The following PHLDB2 variants were observed in gnomAD, a reference collection of about 807,000 sequenced individuals.
The protein encoded by PHLDB2 is pleckstrin homology-like domain family B member 2.
Under a neutral mutation model 123.6 loss-of-function variants are expected in PHLDB2, and 71 were observed. That is an observed-to-expected ratio of 0.57 (90% confidence interval 0.47 to 0.70). The LOEUF is 0.70. Among genes scored for constraint, PHLDB2 ranks in the 30% least tolerant of loss-of-function variants. The probability of loss-of-function intolerance (pLI) is 0.00; values close to 1 mark genes in which losing one functional copy is unlikely to be tolerated. For synonymous variants in PHLDB2, 547 were observed against 541.6 expected, an observed-to-expected ratio of 1.01 and a Z score of -0.14; for missense variants, 1,446 against 1,519.5, an observed-to-expected ratio of 0.95 and a Z score of 0.80.
At chr3:111,820,306 G>A (rs1331289955) in intron 1 of PHLDB2, among the ~76,000 whole-genome samples, 1 of 152,128 alleles carries the variant, frequency 6.6e-6, no homozygotes, top group Non-Finnish European at 1.5e-5. Context: ...AGTTAAAATG[G>A]TTAAAGAAAT....
At chr3:111,758,424 T>A (rs931437987) in intron 1 of PHLDB2, among the ~76,000 whole-genome samples, 1 of 152,150 alleles carries the variant, frequency 6.6e-6, no homozygotes, top group Admixed American at 6.5e-5. Flanking sequence ...CGGGATATAA[T>A]CTCCTGGTGC....
chr3:111,972,207 G>A (rs1251326881), intron 16 of PHLDB2, among the ~76,000 whole-genome samples: 1 of 152,124 alleles, frequency 6.6e-6, no homozygotes, highest in Non-Finnish European at 1.5e-5. Flanking sequence ...ATCATTTCCA[G>A]CAAATGTTTG....
intron 6 of PHLDB2, among the ~76,000 whole-genome samples, chr3:111,937,975 G>C (rs1163741108): frequency 6.6e-6 from 1 of 152,064 alleles, no homozygotes; most frequent in African/African-American, 2.4e-5. Context: ...GTACCTCATA[G>C]GTTAGAGAAT....
At chr3:111,947,898 T>TCCAA (rs2070422751) in intron 9 of PHLDB2, among the ~76,000 whole-genome samples, 2 of 152,190 alleles carry the variant, frequency 1.3e-5, no homozygotes, top group African/African-American at 4.8e-5. Flanking sequence ...TGTAAAAGGA[T>TCCAA]TGATGGAGGC....
chr3:111,921,459 G>A (rs1193548751), intron 5 of PHLDB2, among the ~76,000 whole-genome samples: 1 of 152,018 alleles, frequency 6.6e-6, no homozygotes, highest in Non-Finnish European at 1.5e-5. Flanking sequence ...ATTTGATCTT[G>A]GTGCCAGAGA....
chr3:111,854,157 CCAGA>C (rs962737573), intron 2 of PHLDB2, among the ~76,000 whole-genome samples: 2 of 152,126 alleles, frequency 1.3e-5, no homozygotes, highest in African/African-American at 4.8e-5. Flanking sequence ...AGGGGAAATG[CCAGA>C]CACTTACAAA....
chr3:111,848,779 C>A (rs79619962), intron 2 of PHLDB2, among the ~76,000 whole-genome samples: 6,855 of 152,286 alleles, frequency 0.045, 270 homozygotes, highest in African/African-American at 0.096. Context: ...CAACACCTTA[C>A]CTTTTCTGTG....
At chr3:111,799,215 T>C (rs994218452) in intron 1 of PHLDB2, among the ~76,000 whole-genome samples, 8 of 151,982 alleles carry the variant, frequency 5.3e-5, no homozygotes, top group African/African-American at 1.9e-4. Context: ...CAAGATGAGA[T>C]TTGGGTGGGG....
intron 5 of PHLDB2, 107 bp from the exon 6 acceptor site, chr3:111,932,162 C>T: frequency 8.1e-7 from 1 of 1,228,852 alleles, no homozygotes. Flanking sequence ...ATAGATTGTC[C>T]AGAGTTTGTG....
intron 2 of PHLDB2, among the ~76,000 whole-genome samples, chr3:111,907,971 A>AT (rs1489936180): frequency 2.0e-5 from 3 of 152,050 alleles, no homozygotes; most frequent in Non-Finnish European, 4.4e-5. Context: ...TAATTTTTGC[A>AT]TTTTTTGTAG....
At chr3:111,966,218 G>T (rs1032045670) in intron 13 of PHLDB2, among the ~76,000 whole-genome samples, 1 of 152,122 alleles carries the variant, frequency 6.6e-6, no homozygotes, top group Non-Finnish European at 1.5e-5. Flanking sequence ...ATATCTTTAA[G>T]TCATTAAACT....
At chr3:111,781,137 G>C (rs1169109645) in intron 1 of PHLDB2, among the ~76,000 whole-genome samples, 3 of 151,732 alleles carry the variant, frequency 2.0e-5, no homozygotes, top group Non-Finnish European at 2.9e-5. Flanking sequence ...CCTCATTATG[G>C]GCCAGTCATG....
intron 1 of PHLDB2, among the ~76,000 whole-genome samples, chr3:111,818,970 A>G (rs2062231511): frequency 2.0e-5 from 3 of 152,200 alleles, no homozygotes; most frequent in African/African-American, 7.2e-5. Context: ...TGGGTGGCTT[A>G]AACAACAGAA....
Position 111,884,466 on chromosome 3 carries a change from A to T in PHLDB2, c.389A>T (p.His130Leu), listed in dbSNP as rs187915090. The change falls in exon 2 of 18, where the codon CAT becomes CTT. Residue 130 changes from histidine to leucine, a missense_variant. His to Leu is a moderately conservative substitution (Grantham distance 99). Coordinates refer to ENST00000431670, the MANE Select transcript of PHLDB2 (RefSeq NM_001134438.2). ...CCACTTGGAAGAGCAGACTTTGATC[A>T]TTATACTGGCCGGGACAGTGAAAGG... is the stretch of plus-strand genomic sequence containing the variant. ...GYPLGRADFDHYTGRDSERAL... is the reference protein window; with the variant it reads ...GYPLGRADFDLYTGRDSERAL... 20 of 1,614,178 alleles carry T rather than the reference A, an allele frequency of 1.2e-5. No individual in the cohort carries two copies. The Admixed American group carries it at 3.0e-4, about 24-fold the overall frequency.
chr3:111,827,519 C>CA (rs1310873250), intron 1 of PHLDB2, among the ~76,000 whole-genome samples: 3 of 151,886 alleles, frequency 2.0e-5, no homozygotes, highest in Non-Finnish European at 4.4e-5. Flanking sequence ...ACTAAAAATA[C>CA]AAAAAATTAG....
intron 6 of PHLDB2, among the ~76,000 whole-genome samples, chr3:111,939,131 C>T (rs768651993): frequency 2.6e-5 from 4 of 152,156 alleles, no homozygotes; most frequent in East Asian, 1.9e-4. Context: ...TTTCTTGTAA[C>T]GCTATGTTAC....
chr3:111,911,696 A>G, intron 2 of PHLDB2: 2 of 1,536,280 alleles, frequency 1.3e-6, no homozygotes, highest in South Asian at 2.4e-5. Context: ...CTGCAGCTGG[A>G]GTCCAGAAGT....
intron 1 of PHLDB2, among the ~76,000 whole-genome samples, chr3:111,757,876 T>C (rs1478896540): frequency 2.6e-5 from 4 of 152,170 alleles, no homozygotes; most frequent in African/African-American, 7.2e-5. Flanking sequence ...CTCCAGACAC[T>C]GTTTGCCTCG....
intron 1 of PHLDB2, among the ~76,000 whole-genome samples, chr3:111,809,579 T>C (rs905523331): frequency 6.6e-6 from 1 of 152,356 alleles, no homozygotes; most frequent in African/African-American, 2.4e-5. Context: ...TGCCAACTTA[T>C]CACTGTATAT....
Sources: allele counts gnomAD v4.1 joint callset (sites outside exome capture counted in the v4.1 genomes callset), GRCh38; gene constraint gnomAD v4.1.1; transcripts MANE v1.5; gene names NCBI Gene and HGNC (gene_info 2026-07-23, HGNC 2026-07-21).